SPAG16: variants seen among roughly 807,000 people sequenced by gnomAD.
SPAG16 encodes sperm-associated antigen 16 protein.
A neutral mutation model predicts 80.4 loss-of-function variants in SPAG16; 86 were observed. That is an observed-to-expected ratio of 1.07 (90% CI 0.90 to 1.28). The LOEUF (loss-of-function observed/expected upper bound fraction) is 1.28. SPAG16 is among the 50% of genes most tolerant of loss of function. SPAG16 has a pLI of 0.00. For synonymous variants in SPAG16, 294 were observed against 265.9 expected (o/e 1.11, Z -1.03); for missense variants, 870 against 765.3 (o/e 1.14, Z -1.61).
intron 15 of SPAG16, among the ~76,000 whole-genome samples, chr2:214,229,264 A>G (rs1260392583): frequency 6.6e-6 from 1 of 151,844 alleles, no homozygotes; most frequent in Non-Finnish European, 1.5e-5. Context: ...GATTAAAGGA[A>G]GAGGAGGCAG....
chr2:214,346,168 G>T (rs980774172), intron 15 of SPAG16, among the ~76,000 whole-genome samples: 4 of 152,154 alleles, frequency 2.6e-5, no homozygotes, highest in Admixed American at 2.6e-4. Flanking sequence ...ATACCCACAT[G>T]CTTTCAAAAA....
intron 12 of SPAG16, among the ~76,000 whole-genome samples, chr2:213,991,906 A>T (rs942724382): frequency 7.6e-6 from 1 of 131,700 alleles, no homozygotes; most frequent in African/African-American, 3.0e-5. Flanking sequence ...TGTTTCAGTG[A>T]TTCACGGGCA....
At chr2:213,375,935 CA>C (rs2066861802) in intron 9 of SPAG16, among the ~76,000 whole-genome samples, 1 of 149,614 alleles carries the variant, frequency 6.7e-6, no homozygotes, top group South Asian at 2.1e-4. Context: ...AATATTTATA[CA>C]ATGAATTTTT....
chr2:214,170,225 C>CATATACACACACTTAGGTGT (rs1559101361), intron 15 of SPAG16, among the ~76,000 whole-genome samples: 5 of 83,136 alleles, frequency 6.0e-5, no homozygotes, highest in South Asian at 7.8e-4. Flanking sequence ...GGTGTGTATA[C>CATATACACACACTTAGGTGT]GTATACACAC....
intron 10 of SPAG16, among the ~76,000 whole-genome samples, chr2:213,573,985 A>G (rs1402669735): frequency 1.3e-5 from 2 of 152,224 alleles, no homozygotes; most frequent in South Asian, 4.1e-4. Flanking sequence ...GTCTGAGATT[A>G]TATTAATACA....
At chr2:213,448,876 C>T (rs953217415) in intron 9 of SPAG16, among the ~76,000 whole-genome samples, 14 of 152,022 alleles carry the variant, frequency 9.2e-5, no homozygotes, top group African/African-American at 3.4e-4. Context: ...AATCAGTGCA[C>T]CTTGAAAAAG....
chr2:213,868,635 C>T (rs2075804264), intron 11 of SPAG16, among the ~76,000 whole-genome samples: 1 of 152,148 alleles, frequency 6.6e-6, no homozygotes, highest in Admixed American at 6.5e-5. Flanking sequence ...TTCTGTATGA[C>T]CACAGCTTAT....
intron 11 of SPAG16, among the ~76,000 whole-genome samples, chr2:213,906,771 C>T (rs1432585788): frequency 6.6e-6 from 1 of 152,164 alleles, no homozygotes; most frequent in Non-Finnish European, 1.5e-5. Flanking sequence ...AGGGAAAGGG[C>T]ATCCTCTTCA....
At position 213,869,253 on chromosome 2, in the gene SPAG16, C is replaced by CAAAAAAAAAAAAAAAA. The variant is rs1329869756; in HGVS notation, c.1214+6637_1214+6638insAAAAAAAAAAAAAAAA. Among the ~76,000 whole-genome samples the CAAAAAAAAAAAAAAAA allele has an allele frequency of 2.8e-4, 23 of 82,798 alleles. 5 individuals carry two copies. The highest frequency in any genetic ancestry group is 7.7e-4 in the Admixed American group (5 of 6,532). 54.3% of individuals were successfully genotyped at this position (82,798 alleles called of 152,430 possible). On this transcript the variant is annotated intron_variant, in intron 11 of 15. Coordinates refer to ENST00000331683, the MANE Select transcript of SPAG16 (RefSeq NM_024532.5). The stretch of plus-strand genomic sequence containing the variant: ...GGGCAACAAGAGCTAAAGTCCATGT[C>CAAAAAAAAAAAAAAAA]AAAAAAAAAAAATATATATATATAT...
intron 15 of SPAG16, among the ~76,000 whole-genome samples, chr2:214,320,317 T>A (rs1242165562): frequency 6.6e-6 from 1 of 152,180 alleles, no homozygotes; most frequent in Non-Finnish European, 1.5e-5. Context: ...TTCCAGAACT[T>A]CTTGTACTCC....
At chr2:214,115,706 G>C (rs1559811172) in intron 14 of SPAG16, among the ~76,000 whole-genome samples, 1 of 151,904 alleles carries the variant, frequency 6.6e-6, no homozygotes, top group Non-Finnish European at 1.5e-5. Context: ...GTGAAACCCT[G>C]TCTCTACTAA....
intron 15 of SPAG16, among the ~76,000 whole-genome samples, chr2:214,233,341 A>ATGATG (rs1559144577): frequency 7.3e-5 from 6 of 81,744 alleles, no homozygotes; most frequent in African/African-American, 2.0e-4. Context: ...AAAAATAGAT[A>ATGATG]ATAATGATGA....
At chr2:214,155,033 A>G (rs985611639) in intron 15 of SPAG16, among the ~76,000 whole-genome samples, 3 of 152,186 alleles carry the variant, frequency 2.0e-5, no homozygotes, top group African/African-American at 7.2e-5. Flanking sequence ...CAACTCAGGG[A>G]TGAAGGGACT....
chr2:213,335,123 A>C (rs2064291316), intron 5 of SPAG16, among the ~76,000 whole-genome samples: 3 of 152,194 alleles, frequency 2.0e-5, no homozygotes, highest in South Asian at 2.1e-4. Context: ...ATTTTCATTT[A>C]GCAATATAGA....
At chr2:213,651,680 A>T (rs990489946) in intron 10 of SPAG16, among the ~76,000 whole-genome samples, 1 of 152,192 alleles carries the variant, frequency 6.6e-6, no homozygotes, top group Non-Finnish European at 1.5e-5. Flanking sequence ...CTCTAATCTG[A>T]AATATCAAGG....
intron 10 of SPAG16, among the ~76,000 whole-genome samples, chr2:213,591,421 T>C (rs2060685807): frequency 1.3e-5 from 2 of 152,178 alleles, no homozygotes; most frequent in Admixed American, 1.3e-4. Flanking sequence ...GAGAAGACAA[T>C]GCCTCCAAGA....
intron 9 of SPAG16, among the ~76,000 whole-genome samples, chr2:213,379,418 A>G (rs1225111802): frequency 6.6e-6 from 1 of 152,212 alleles, no homozygotes; most frequent in Non-Finnish European, 1.5e-5. Flanking sequence ...CTTCAGGATG[A>G]TGGGGAAACA....
At chr2:213,292,047 T>C (rs115060869) in intron 1 of SPAG16, among the ~76,000 whole-genome samples, 2,741 of 152,304 alleles carry the variant, frequency 0.018, 72 homozygotes, top group African/African-American at 0.051. Context: ...ATGTAAGTGT[T>C]GATTGATATT....
chr2:213,428,583 G>A (rs984878040), intron 9 of SPAG16, among the ~76,000 whole-genome samples: 8 of 152,140 alleles, frequency 5.3e-5, no homozygotes, highest in Non-Finnish European at 1.2e-4. Context: ...GATGAGTGTG[G>A]CATTTGCTCC....
Sources: gnomAD v4.1 joint callset for allele counts (sites outside exome capture counted in the v4.1 genomes callset) on GRCh38, gnomAD v4.1.1 for gene constraint, MANE v1.5 for transcripts, NCBI Gene and HGNC (gene_info 2026-07-23, HGNC 2026-07-21) for gene names.